The following PEBP4 variants were observed in gnomAD, a reference collection of about 807,000 sequenced individuals.
The protein encoded by PEBP4 is phosphatidylethanolamine binding protein 4.
A neutral mutation model predicts 23.9 loss-of-function variants in PEBP4; 22 were observed. The ratio of observed to expected loss-of-function variants is 0.92; its 90% CI spans 0.66 to 1.31. The LOEUF (loss-of-function observed/expected upper bound fraction) is 1.31, where lower values mean the gene tolerates loss of function less well. Ranked by LOEUF, PEBP4 falls within the 40% of genes most tolerant of loss-of-function variation. The pLI, the probability that PEBP4 is intolerant of heterozygous loss-of-function variation, is 0.00. For missense variants in PEBP4, 324 were observed against 281.7 expected (o/e 1.15, Z -1.07); for synonymous variants, 112 against 99.3 (o/e 1.13, Z -0.76).
chr8:22,744,380 C>G (rs11779790), intron 4 of PEBP4, among the ~76,000 whole-genome samples: 27,457 of 152,144 alleles, frequency 0.18, 2,756 homozygotes, highest in East Asian at 0.47. Flanking sequence ...AGAGCCTGGA[C>G]AGGAGCCACA....
At chr8:22,737,659 A>G (rs920160500) in intron 4 of PEBP4, among the ~76,000 whole-genome samples, 1 of 152,210 alleles carries the variant, frequency 6.6e-6, no homozygotes. Context: ...GCAACTTAGC[A>G]TCTAACACAG....
At chr8:22,928,806 T>C (rs1220663075), upstream of PEBP4, among the ~76,000 whole-genome samples, 1 of 152,148 alleles carries the variant, frequency 6.6e-6, no homozygotes, top group Non-Finnish European at 1.5e-5. Context: ...AGTAAAATAA[T>C]TCCTGTCACC....
At chr8:22,831,697 C>T (rs1807086292) in intron 3 of PEBP4, among the ~76,000 whole-genome samples, 1 of 152,128 alleles carries the variant, frequency 6.6e-6, no homozygotes, top group Admixed American at 6.5e-5. Context: ...GTGATGGACC[C>T]TGCTCAGGGT....
At chr8:22,843,212 C>T (rs1264242496) in intron 3 of PEBP4, among the ~76,000 whole-genome samples, 9 of 152,182 alleles carry the variant, frequency 5.9e-5, no homozygotes, top group Non-Finnish European at 2.9e-5. Flanking sequence ...ATGCACCTGC[C>T]TCGGCCTCCC....
At chr8:22,789,426 G>C (rs1328844643) in intron 4 of PEBP4, among the ~76,000 whole-genome samples, 1 of 152,066 alleles carries the variant, frequency 6.6e-6, no homozygotes, top group Non-Finnish European at 1.5e-5. Context: ...CTGAAACTAG[G>C]GTCGTCCAAC....
intron 3 of PEBP4, among the ~76,000 whole-genome samples, chr8:22,914,828 T>TA (rs1809035892): frequency 1.3e-5 from 2 of 152,100 alleles, no homozygotes; most frequent in Middle Eastern, 6.8e-3. Flanking sequence ...GCCATCCCTG[T>TA]AAAAAACCCA....
Position 22,871,635 on chromosome 8 carries a change from A to G in PEBP4, c.258+48549T>C, listed in dbSNP as rs144161776. Among the ~76,000 whole-genome samples the G allele has an allele frequency of 8.2e-3, 1,220 of 148,550 alleles. 16 individuals carry two copies. The highest frequency in any genetic ancestry group is 0.028 in the African/African-American group (1,134 of 39,896). ...AGTGGTACGATCTTGGCTCACTGCAACCTCCAACTCCCTGGTTCAAGCTAT... is the reference window on the plus strand; with the variant it reads ...AGTGGTACGATCTTGGCTCACTGCAGCCTCCAACTCCCTGGTTCAAGCTAT... On this transcript the variant is annotated intron_variant, in intron 3 of 6. Coordinates refer to ENST00000256404, the MANE Select transcript of PEBP4 (RefSeq NM_144962.3).
intron 4 of PEBP4, among the ~76,000 whole-genome samples, chr8:22,751,379 C>G (rs566683089): frequency 6.6e-6 from 1 of 152,312 alleles, no homozygotes; most frequent in East Asian, 1.9e-4. Context: ...CCTGCAAATC[C>G]TGGTTGCCTT....
At chr8:22,884,813 C>T (rs758058131) in intron 3 of PEBP4, 1 of 152,272 alleles carries the variant, frequency 6.6e-6, no homozygotes, top group Non-Finnish European at 1.5e-5. Context: ...GAATGTTTGC[C>T]TCCTGGTCTG....
At chr8:22,862,799 CTTT>C (rs3060707) in intron 3 of PEBP4, among the ~76,000 whole-genome samples, 40 of 110,848 alleles carry the variant, frequency 3.6e-4, no homozygotes, top group Non-Finnish European at 4.0e-4. Flanking sequence ...CCCTCATAAC[CTTT>C]TTTTTTTTTT....
chr8:22,862,191 T>C (rs543908329), intron 3 of PEBP4, among the ~76,000 whole-genome samples: 1 of 152,204 alleles, frequency 6.6e-6, no homozygotes, highest in Admixed American at 6.5e-5. Context: ...GGGCCTGGGA[T>C]CCATCCTCAA....
intron 3 of PEBP4, among the ~76,000 whole-genome samples, chr8:22,909,448 T>C (rs1471351428): frequency 6.6e-6 from 1 of 152,182 alleles, no homozygotes; most frequent in Non-Finnish European, 1.5e-5. Context: ...CACACCACTG[T>C]ACCCCCACGT....
intron 6 of PEBP4, among the ~76,000 whole-genome samples, chr8:22,719,793 G>A (rs186563880): frequency 6.6e-6 from 1 of 152,312 alleles, no homozygotes; most frequent in East Asian, 1.9e-4. Flanking sequence ...GGGAAGGCCA[G>A]GGAGGGGCAG....
chr8:22,820,519 T>G (rs1355300749), intron 3 of PEBP4, among the ~76,000 whole-genome samples: 1 of 152,232 alleles, frequency 6.6e-6, no homozygotes, highest in Non-Finnish European at 1.5e-5. Flanking sequence ...AAATGCTTTC[T>G]GATGTTCTAA....
chr8:22,800,997 C>A (rs1160618673), intron 4 of PEBP4, among the ~76,000 whole-genome samples: 3 of 152,112 alleles, frequency 2.0e-5, no homozygotes, highest in Non-Finnish European at 4.4e-5. Context: ...CTCTGCCACT[C>A]CACACCCTCC....
At chr8:22,791,998 A>G (rs1380599540) in intron 4 of PEBP4, among the ~76,000 whole-genome samples, 1 of 151,652 alleles carries the variant, frequency 6.6e-6, no homozygotes, top group Admixed American at 6.6e-5. Context: ...CTGGGACTAC[A>G]GGCACACACC....
chr8:22,933,780 AT>A (rs1809496833), intron 1 of PEBP4, among the ~76,000 whole-genome samples: 1 of 152,224 alleles, frequency 6.6e-6, no homozygotes, highest in South Asian at 2.1e-4. Context: ...AAAAGCCAGT[AT>A]TGTTGGAATT....
chr8:22,933,538 T>C (rs189222311), intron 1 of PEBP4, among the ~76,000 whole-genome samples: 2 of 152,288 alleles, frequency 1.3e-5, no homozygotes, highest in East Asian at 1.9e-4. Context: ...AGAAGAAAAG[T>C]TGTCAATTAA....
At chr8:22,773,234 T>C (rs1805750892) in intron 4 of PEBP4, among the ~76,000 whole-genome samples, 1 of 152,240 alleles carries the variant, frequency 6.6e-6, no homozygotes, top group Non-Finnish European at 1.5e-5. Flanking sequence ...AGCAGAATAA[T>C]TGCTATTAAT....
Sources: gnomAD v4.1 joint callset for allele counts (sites outside exome capture counted in the v4.1 genomes callset) on GRCh38, gnomAD v4.1.1 for gene constraint, MANE v1.5 for transcripts, NCBI Gene and HGNC (gene_info 2026-07-23, HGNC 2026-07-21) for gene names.